HS3ST5: variants seen among roughly 807,000 people sequenced by gnomAD.
The protein encoded by HS3ST5 is heparan sulfate glucosamine 3-O-sulfotransferase 5.
In HS3ST5, 10 loss-of-function variants were observed where a neutral mutation model predicts 25.4. The ratio of observed to expected loss-of-function variants is 0.39; its 90% CI spans 0.24 to 0.67. The LOEUF is 0.67. HS3ST5 is among the 30% of genes least tolerant of loss of function. The pLI, the probability that HS3ST5 is intolerant of heterozygous loss-of-function variation, is 0.44. For missense variants in HS3ST5, 324 were observed against 420.7 expected, an observed-to-expected ratio of 0.77 and a Z score of 2.01; for synonymous variants, 170 against 162.4, an observed-to-expected ratio of 1.05 and a Z score of -0.36.
At chr6:114,102,300 C>A (rs1000749028) in intron 3 of HS3ST5, among the ~76,000 whole-genome samples, 75 of 152,284 alleles carry the variant, frequency 4.9e-4, no homozygotes, top group African/African-American at 1.8e-3. Flanking sequence ...GCACATAGTT[C>A]TTTCTACCTG....
At chr6:114,221,848 T>C (rs1279889468) in intron 2 of HS3ST5, among the ~76,000 whole-genome samples, 1 of 151,848 alleles carries the variant, frequency 6.6e-6, no homozygotes, top group Non-Finnish European at 1.5e-5. Flanking sequence ...AGTGATACTA[T>C]AATAATTTAA....
chr6:114,113,000 C>T (rs1776340550), intron 3 of HS3ST5, among the ~76,000 whole-genome samples: 2 of 152,118 alleles, frequency 1.3e-5, no homozygotes, highest in Admixed American at 1.3e-4. Flanking sequence ...CAGGGGCCTC[C>T]CTAATGGCAG....
At chr6:114,246,579 T>C (rs932624149) in intron 1 of HS3ST5, among the ~76,000 whole-genome samples, 3 of 152,156 alleles carry the variant, frequency 2.0e-5, no homozygotes, top group African/African-American at 7.2e-5. Flanking sequence ...AAATAAAAAG[T>C]GGCTTTAATG....
intron 1 of HS3ST5, among the ~76,000 whole-genome samples, chr6:114,313,698 T>C (rs1188079666): frequency 1.3e-5 from 2 of 152,114 alleles, no homozygotes; most frequent in African/African-American, 4.8e-5. Flanking sequence ...TCTGGAGAGA[T>C]GGAAAAAAAT....
intron 1 of HS3ST5, among the ~76,000 whole-genome samples, chr6:114,269,415 G>A (rs1218331333): frequency 6.6e-6 from 1 of 152,160 alleles, no homozygotes; most frequent in Non-Finnish European, 1.5e-5. Flanking sequence ...GATTCAGGTA[G>A]CTCTAGAAGC....
intron 2 of HS3ST5, among the ~76,000 whole-genome samples, chr6:114,176,361 G>A (rs1367780323): frequency 6.6e-6 from 1 of 152,196 alleles, no homozygotes; most frequent in East Asian, 1.9e-4. Context: ...AATGATCCAC[G>A]GTTGCAATGT....
At chr6:114,094,980 T>A (rs1453072014) in intron 3 of HS3ST5, among the ~76,000 whole-genome samples, 1 of 152,000 alleles carries the variant, frequency 6.6e-6, no homozygotes, top group African/African-American at 2.4e-5. Context: ...GGGAAGCACA[T>A]CTCCTTCCCT....
chr6:114,316,361 G>A (rs760779239), intron 1 of HS3ST5, among the ~76,000 whole-genome samples: 2 of 152,100 alleles, frequency 1.3e-5, no homozygotes, highest in African/African-American at 2.4e-5. Flanking sequence ...AAGCTGTCCC[G>A]ATCTAAGGAC....
At chr6:114,211,534 T>C (rs996628077) in intron 2 of HS3ST5, among the ~76,000 whole-genome samples, 1 of 152,236 alleles carries the variant, frequency 6.6e-6, no homozygotes, top group African/African-American at 2.4e-5. Flanking sequence ...AAATGATTTT[T>C]CTTTTTAGTA....
intron 1 of HS3ST5, among the ~76,000 whole-genome samples, chr6:114,253,199 G>A (rs1772743817): frequency 6.6e-6 from 1 of 152,086 alleles, no homozygotes. Context: ...TATCTCAAAA[G>A]AAACACATGA....
intron 3 of HS3ST5, chr6:114,084,575 T>C (rs1203679444): frequency 9.1e-6 from 7 of 766,218 alleles, no homozygotes; most frequent in African/African-American, 1.7e-5. Flanking sequence ...TTGCACGGGA[T>C]GGCAAAGTCC....
chr6:114,136,046 C>T (rs1777585674), intron 3 of HS3ST5, among the ~76,000 whole-genome samples: 1 of 152,212 alleles, frequency 6.6e-6, no homozygotes, highest in African/African-American at 2.4e-5. Context: ...AGTGGGTGCT[C>T]AGTGCATACT....
intron 3 of HS3ST5, among the ~76,000 whole-genome samples, chr6:114,079,178 G>A (rs1774314070): frequency 6.6e-6 from 1 of 152,182 alleles, no homozygotes; most frequent in Non-Finnish European, 1.5e-5. Context: ...CTTAAATTAA[G>A]ACAACAGTGA....
intron 3 of HS3ST5, chr6:114,167,494 T>G (rs1582673354): frequency 6.6e-6 from 1 of 152,196 alleles, no homozygotes; most frequent in South Asian, 2.1e-4. Flanking sequence ...ATCCCTATTT[T>G]AAAGATATTA....
At chr6:114,277,840 T>C (rs1773928586) in intron 1 of HS3ST5, among the ~76,000 whole-genome samples, 1 of 152,048 alleles carries the variant, frequency 6.6e-6, no homozygotes, top group Non-Finnish European at 1.5e-5. Context: ...AATGCTCTCA[T>C]TGCAGGTTGC....
chr6:114,255,399 G>A (rs1156888953), intron 1 of HS3ST5, among the ~76,000 whole-genome samples: 1 of 152,140 alleles, frequency 6.6e-6, no homozygotes, highest in Non-Finnish European at 1.5e-5. Context: ...ACACCGCTGA[G>A]TGTCTGCGGC....
rs546948659 is a variant in HS3ST5, at chr6:114,252,654, C to T, written c.-338-23876G>A. The stretch of plus-strand genomic sequence containing the variant: ...GCCTTCTTTTGAAAAAAAAAAAAGT[C>T]ATCTACCTATAAAGTCACTCCAATT... On this transcript the variant is annotated intron_variant, in intron 1 of 4. Transcript: ENST00000312719. 7.2e-5 allele frequency among the ~76,000 whole-genome samples: 11 copies of T among 151,740 alleles called. No individual in the cohort carries two copies. The South Asian group carries it at 1.0e-3, about 14-fold the overall frequency.
Position 114,057,061 on chromosome 6 carries a change from A to G in HS3ST5, c.*196T>C. The stretch of plus-strand genomic sequence containing the variant: ...AATAGCTTAAAAGATGCGACTATGC[A>G]GACAGCAATTTTTTTTTTTTCGTAA... On this transcript the variant is annotated 3_prime_UTR_variant, in exon 5 of 5. Transcript: ENST00000312719. 1.9e-6 allele frequency: 1 copy of G among 517,724 alleles called. No homozygotes were observed. Among genetic ancestry groups the G allele is most frequent in the Non-Finnish European group, 3.4e-6 (1 of 296,706 alleles). 32.1% of individuals were successfully genotyped at this position (517,724 alleles called of 1,614,324 possible).
intron 1 of HS3ST5, among the ~76,000 whole-genome samples, chr6:114,308,756 C>T (rs1048029861): frequency 1.3e-5 from 2 of 152,060 alleles, no homozygotes; most frequent in Admixed American, 6.6e-5. Flanking sequence ...AAAACCAGAC[C>T]AGGTAAGGAG....
Sources: gnomAD v4.1 joint callset for allele counts (sites outside exome capture counted in the v4.1 genomes callset) on GRCh38, gnomAD v4.1.1 for gene constraint, MANE v1.5 for transcripts, NCBI Gene and HGNC (gene_info 2026-07-23, HGNC 2026-07-21) for gene names.